The following NRG1 variants were observed in gnomAD, a reference collection of about 807,000 sequenced individuals.
NRG1 encodes pro-neuregulin-1, membrane-bound isoform.
A neutral mutation model predicts 63.8 loss-of-function variants in NRG1; 18 were observed. That is an observed-to-expected ratio of 0.28 (90% CI 0.19 to 0.42). NRG1 has a LOEUF of 0.42. Among genes scored for constraint, NRG1 ranks in the 10% least tolerant of loss-of-function variants. NRG1 has a pLI of 1.00. For missense variants in NRG1, 762 were observed against 814.7 expected (o/e 0.94, Z 0.79); for synonymous variants, 302 against 301.3 (o/e 1.00, Z -0.02).
intron 1 of NRG1, among the ~76,000 whole-genome samples, chr8:32,529,502 C>A (rs924593791): frequency 6.6e-6 from 1 of 152,044 alleles, no homozygotes. Flanking sequence ...TTTTTTAAAC[C>A]TTTTGACTTT....
intron 1 of NRG1, among the ~76,000 whole-genome samples, chr8:32,098,258 C>A (rs529074888): frequency 1.3e-5 from 2 of 152,152 alleles, no homozygotes; most frequent in African/African-American, 4.8e-5. Context: ...AGGATAGTTG[C>A]AGAGAGTAAT....
chr8:31,786,198 C>T (rs1416055693), intron 1 of NRG1, among the ~76,000 whole-genome samples: 1 of 152,168 alleles, frequency 6.6e-6, no homozygotes, highest in Non-Finnish European at 1.5e-5. Flanking sequence ...TCGATTCTGA[C>T]TTAAGAGACA....
chr8:32,402,317 C>A (rs906253934), intron 1 of NRG1, among the ~76,000 whole-genome samples: 1 of 152,054 alleles, frequency 6.6e-6, no homozygotes, highest in Non-Finnish European at 1.5e-5. Context: ...CTTACAAAGC[C>A]ATTCAATAAA....
At chr8:31,723,797 G>A (rs1393940430) in intron 1 of NRG1, among the ~76,000 whole-genome samples, 2 of 152,250 alleles carry the variant, frequency 1.3e-5, no homozygotes, top group East Asian at 3.9e-4. Context: ...TGAAGAAAGT[G>A]AGACCTACTT....
intron 1 of NRG1, among the ~76,000 whole-genome samples, chr8:31,804,027 C>G (rs1822043504): frequency 6.6e-6 from 1 of 152,158 alleles, no homozygotes; most frequent in African/African-American, 2.4e-5. Context: ...TTTCATTACC[C>G]TATTTTTTCA....
At chr8:31,998,051 T>G (rs1812304184) in intron 1 of NRG1, among the ~76,000 whole-genome samples, 1 of 151,964 alleles carries the variant, frequency 6.6e-6, no homozygotes, top group Admixed American at 6.6e-5. Context: ...ACTTTTCTCA[T>G]GAATAATAGG....
At chr8:32,320,972 T>C (rs762499999) in intron 1 of NRG1, among the ~76,000 whole-genome samples, 5 of 152,164 alleles carry the variant, frequency 3.3e-5, no homozygotes, top group Non-Finnish European at 7.3e-5. Context: ...TTTGACAATC[T>C]TGTTTATTTA....
chr8:32,681,798 G>T (rs1181501116), intron 5 of NRG1, among the ~76,000 whole-genome samples: 1 of 152,164 alleles, frequency 6.6e-6, no homozygotes, highest in Non-Finnish European at 1.5e-5. Context: ...TATATGACAT[G>T]AAACAGACGG....
At chr8:32,380,559 A>G (rs1258537601) in intron 1 of NRG1, among the ~76,000 whole-genome samples, 2 of 152,088 alleles carry the variant, frequency 1.3e-5, no homozygotes, top group African/African-American at 2.4e-5. Context: ...CTAATAAAAC[A>G]GAGTCCTAGA....
At chr8:32,633,822 A>G (rs1850781550) in intron 5 of NRG1, among the ~76,000 whole-genome samples, 1 of 152,020 alleles carries the variant, frequency 6.6e-6, no homozygotes, top group Non-Finnish European at 1.5e-5. Flanking sequence ...AAATAACTGA[A>G]GGAACGAATG....
At chr8:31,805,854 C>A (rs1042329486) in intron 1 of NRG1, among the ~76,000 whole-genome samples, 13 of 145,566 alleles carry the variant, frequency 8.9e-5, no homozygotes, top group African/African-American at 3.3e-4. Flanking sequence ...AAAGATGAAG[C>A]GAATACCATC....
chr8:32,189,201 C>A (rs1842249114), intron 1 of NRG1, among the ~76,000 whole-genome samples: 1 of 152,094 alleles, frequency 6.6e-6, no homozygotes, highest in Admixed American at 6.5e-5. Flanking sequence ...TGAGCTAGTA[C>A]CCAGTAGGTA....
chr8:32,202,165 G>T (rs1407362826), intron 1 of NRG1, among the ~76,000 whole-genome samples: 3 of 152,094 alleles, frequency 2.0e-5, no homozygotes, highest in South Asian at 2.1e-4. Flanking sequence ...TACTGTAAAA[G>T]AATCTTTGCC....
At chr8:31,713,140 G>A (rs1338833898) in intron 1 of NRG1, among the ~76,000 whole-genome samples, 7 of 125,768 alleles carry the variant, frequency 5.6e-5, no homozygotes, top group East Asian at 2.8e-4. Flanking sequence ...TTTTTGAGAC[G>A]GAGTCTCGCT....
chr8:32,373,055 A>G (rs1809132348), intron 1 of NRG1, among the ~76,000 whole-genome samples: 1 of 152,184 alleles, frequency 6.6e-6, no homozygotes, highest in African/African-American at 2.4e-5. Context: ...ACAAGCTGCG[A>G]TAAGCCCTTG....
chr8:32,447,206 G>C (rs1820372984), intron 1 of NRG1, among the ~76,000 whole-genome samples: 1 of 151,402 alleles, frequency 6.6e-6, no homozygotes, highest in South Asian at 2.1e-4. Flanking sequence ...TGTATTTTTA[G>C]TAGAGACGGG....
chr8:32,144,330 G>C lies in NRG1; in HGVS notation c.38-451498G>C, dbSNP rs957668300. On this transcript the variant is annotated intron_variant, in intron 1 of 10. Transcript: ENST00000519301. Reference sequence around the variant, plus strand: ...ACGGATGTCACAAATGGTGATTGCTGGTAGTGAAGTATCTGAATCTGAAGA... The same window carrying C: ...ACGGATGTCACAAATGGTGATTGCTCGTAGTGAAGTATCTGAATCTGAAGA... 3.9e-5 allele frequency among the ~76,000 whole-genome samples: 6 copies of C among 152,170 alleles called. 1 individual carries two copies. Among genetic ancestry groups the C allele is most frequent in the Admixed American group, 3.9e-4 (6 of 15,272 alleles).
intron 1 of NRG1, among the ~76,000 whole-genome samples, chr8:32,010,675 TG>T (rs1362590596): frequency 6.6e-6 from 1 of 152,112 alleles, no homozygotes; most frequent in Non-Finnish European, 1.5e-5. Flanking sequence ...TTTAATTATT[TG>T]GCTCTCCCAG....
chr8:32,491,348 C>A (rs1393407057), intron 1 of NRG1, among the ~76,000 whole-genome samples: 1 of 152,110 alleles, frequency 6.6e-6, no homozygotes, highest in Non-Finnish European at 1.5e-5. Context: ...ACCTTTGAAT[C>A]TATTATTTCA....
Sources: allele counts gnomAD v4.1 joint callset (sites outside exome capture counted in the v4.1 genomes callset), GRCh38; gene constraint gnomAD v4.1.1; transcripts MANE v1.5; gene names NCBI Gene and HGNC (gene_info 2026-07-23, HGNC 2026-07-21).